EGFLAM: variants seen among roughly 807,000 people sequenced by gnomAD.
EGFLAM encodes EGF like, fibronectin type III and laminin G domains.
A neutral mutation model predicts 113.1 loss-of-function variants in EGFLAM; 79 were observed. The observed-to-expected ratio is 0.70, with a 90% CI of 0.58 to 0.84. The LOEUF is 0.84. Among genes scored for constraint, EGFLAM ranks in the 40% least tolerant of loss-of-function variants. The pLI is 0.00. For synonymous variants in EGFLAM, 504 were observed against 487.6 expected, an observed-to-expected ratio of 1.03 and a Z score of -0.44; for missense variants, 1,265 against 1,291.6, an observed-to-expected ratio of 0.98 and a Z score of 0.32.
At chr5:38,453,006 A>G (rs1201790093) in intron 19 of EGFLAM, among the ~76,000 whole-genome samples, 1 of 152,168 alleles carries the variant, frequency 6.6e-6, no homozygotes, top group African/African-American at 2.4e-5. Context: ...TCCTCACATG[A>G]GGTTAGACAT....
At chr5:38,389,049 C>A (rs939943593) in intron 6 of EGFLAM, among the ~76,000 whole-genome samples, 11 of 151,792 alleles carry the variant, frequency 7.2e-5, no homozygotes, top group African/African-American at 2.4e-4. Flanking sequence ...TGAATAGTGA[C>A]TTTCAAAGCA....
At chr5:38,363,676 T>C (rs1039480474) in intron 5 of EGFLAM, among the ~76,000 whole-genome samples, 5 of 152,254 alleles carry the variant, frequency 3.3e-5, no homozygotes, top group African/African-American at 1.2e-4. Flanking sequence ...ATTATTTTGA[T>C]GATCCTTTTC....
At chr5:38,376,801 G>T (rs578258411) in intron 6 of EGFLAM, among the ~76,000 whole-genome samples, 15 of 152,204 alleles carry the variant, frequency 9.9e-5, no homozygotes, top group African/African-American at 3.6e-4. Flanking sequence ...CTCCTGAGTA[G>T]CTGGGACTAT....
chr5:38,463,204 G>C (rs1164861079), intron 21 of EGFLAM, among the ~76,000 whole-genome samples, 193 bp downstream of exon 21: 1 of 152,154 alleles, frequency 6.6e-6, no homozygotes, highest in Non-Finnish European at 1.5e-5. Flanking sequence ...TCCCTTCGAT[G>C]CTTTTATGCT....
rs115491588 is a variant in EGFLAM at position 38,427,934 on chromosome 5, A to G, written c.2054+682A>G. On this transcript the variant is annotated intron_variant, in intron 14 of 21. Coordinates refer to ENST00000322350, the MANE Select transcript of EGFLAM (RefSeq NM_152403.4). The stretch of plus-strand genomic sequence containing the variant: ...ACTGTTATCTAGTTTGTACTATTAA[A>G]TTACTTAGCAGGTCGATTGTTCCTT... Among the ~76,000 whole-genome samples the G allele has an allele frequency of 9.8e-3, 1,485 of 152,290 alleles. 18 individuals carry two copies. The highest frequency in any genetic ancestry group is 0.02 in the Middle Eastern group (6 of 294).
At chr5:38,439,138 C>T (rs1256806076) in intron 17 of EGFLAM, among the ~76,000 whole-genome samples, 3 of 152,164 alleles carry the variant, frequency 2.0e-5, no homozygotes, top group African/African-American at 4.8e-5. Flanking sequence ...AAATACTGGT[C>T]ATTATTATTC....
rs572287813 is a variant in EGFLAM at position 38,291,893 on chromosome 5, A to T, written c.97+33042A>T. On this transcript the variant is annotated intron_variant, in intron 1 of 21. Coordinates refer to ENST00000322350, the MANE Select transcript of EGFLAM (RefSeq NM_152403.4). ...TTCCTCGCTTACATGTTTCTGAAGA[A>T]TGGCTTTTAGATTTCTATTGCACTG... is the stretch of plus-strand genomic sequence containing the variant. Among the ~76,000 whole-genome samples the T allele has an allele frequency of 2.6e-5, 4 of 152,360 alleles. No homozygotes were observed. The East Asian group carries it at 7.7e-4, about 29-fold the overall frequency.
chr5:38,424,991 A>G lies in EGFLAM; in HGVS notation c.1709A>G (p.Asp570Gly), dbSNP rs1741950115. Residue 570 changes from aspartate to glycine, a missense_variant, in exon 13 of 22, where the codon GAT (aspartate) becomes GGT (glycine). Physicochemically the swap from Asp to Gly is moderately conservative, Grantham distance 94. Coordinates refer to ENST00000322350, the MANE Select transcript of EGFLAM (RefSeq NM_152403.4). ...GGGGAATGCAGCAGTGGAATCTGTG[A>G]TGAGGCCTCGTGCATCCATGGTGGC... ...DVGECSSGIC[D>G]EASCIHGGTC... 6.2e-7 allele frequency: 1 copy of G among 1,613,872 alleles called. No homozygotes were observed. Among genetic ancestry groups the G allele is most frequent in the South Asian group, 1.1e-5 (1 of 91,090 alleles).
intron 15 of EGFLAM, among the ~76,000 whole-genome samples, chr5:38,434,634 G>A (rs546248778): frequency 6.6e-6 from 1 of 152,318 alleles, no homozygotes; most frequent in East Asian, 1.9e-4. Context: ...ATGGTTAGCT[G>A]CAGCTGTAAT....
chr5:38,439,046 C>T (rs1220038667), intron 17 of EGFLAM, among the ~76,000 whole-genome samples: 4 of 152,106 alleles, frequency 2.6e-5, no homozygotes, highest in Non-Finnish European at 5.9e-5. Flanking sequence ...GTGTCTAACA[C>T]AGAGGGTTAT....
At chr5:38,384,069 CTT>C (rs1384207089) in intron 6 of EGFLAM, among the ~76,000 whole-genome samples, 2 of 152,010 alleles carry the variant, frequency 1.3e-5, no homozygotes, top group Non-Finnish European at 2.9e-5. Context: ...CATGGCCTGA[CTT>C]ATATTTTAAG....
intron 12 of EGFLAM, among the ~76,000 whole-genome samples, chr5:38,423,786 G>T (rs190030285): frequency 1.1e-3 from 166 of 152,282 alleles, no homozygotes; most frequent in African/African-American, 3.7e-3. Context: ...CCATCTGCAC[G>T]GGCTTTAATC....
chr5:38,451,590 T>A, intron 19 of EGFLAM, 132 bp downstream of exon 19: 2 of 1,312,068 alleles, frequency 1.5e-6, no homozygotes, highest in Non-Finnish European at 2.1e-6. Context: ...GCTTCAAGGC[T>A]TATTGGAAGC....
At chr5:38,362,509 C>T (rs962782744) in intron 5 of EGFLAM, among the ~76,000 whole-genome samples, 1 of 152,056 alleles carries the variant, frequency 6.6e-6, no homozygotes, top group Non-Finnish European at 1.5e-5. Context: ...AAAAACAACC[C>T]TCCCTAATCT....
chr5:38,340,558 C>T (rs1334172421), intron 3 of EGFLAM, among the ~76,000 whole-genome samples: 1 of 152,152 alleles, frequency 6.6e-6, no homozygotes, highest in African/African-American at 2.4e-5. Context: ...ACCACATCCA[C>T]ACAGATAAAA....
At chr5:38,288,494 C>T (rs1758225468) in intron 1 of EGFLAM, among the ~76,000 whole-genome samples, 1 of 152,142 alleles carries the variant, frequency 6.6e-6, no homozygotes, top group Non-Finnish European at 1.5e-5. Context: ...ACTAGAAAAA[C>T]TAAATGATTT....
At chr5:38,457,092 C>A (rs1743111741) in intron 19 of EGFLAM, among the ~76,000 whole-genome samples, 1 of 152,140 alleles carries the variant, frequency 6.6e-6, no homozygotes, top group African/African-American at 2.4e-5. Context: ...AAATAGGAAG[C>A]CACTAGAGAA....
At chr5:38,401,273 C>T (rs1221833781) in intron 6 of EGFLAM, 1 of 152,134 alleles carries the variant, frequency 6.6e-6, no homozygotes, top group African/African-American at 2.4e-5. Context: ...CACTCTAACC[C>T]TTGGCTTCTC....
At position 38,465,095 on chromosome 5, in the gene EGFLAM, C is replaced by T. The variant is rs1216894945; in HGVS notation, c.*1109C>T. 1 of 152,232 alleles carries T rather than the reference C, an allele frequency of 6.6e-6. No individual in the cohort carries two copies. Among genetic ancestry groups the T allele is most frequent in the African/African-American group, 2.4e-5 (1 of 41,432 alleles). The allele number at this position is 152,232 out of a possible 1,614,324, so 9.4% of individuals were successfully genotyped here. On this transcript the variant is annotated 3_prime_UTR_variant, in exon 22 of 22. Coordinates refer to ENST00000322350, the MANE Select transcript of EGFLAM (RefSeq NM_152403.4). Reference sequence around the variant, plus strand: ...AGGTTCATACCAATGGACACTAATACAATCAGTGTTCCCAAGGCTGTGCAG... The same window carrying T: ...AGGTTCATACCAATGGACACTAATATAATCAGTGTTCCCAAGGCTGTGCAG...
Sources: gnomAD v4.1 joint callset for allele counts (sites outside exome capture counted in the v4.1 genomes callset) on GRCh38, gnomAD v4.1.1 for gene constraint, MANE v1.5 for transcripts, NCBI Gene and HGNC (gene_info 2026-07-23, HGNC 2026-07-21) for gene names.